The following HERC6 variants were observed in gnomAD, a reference collection of about 807,000 sequenced individuals.
HERC6 encodes the protein probable E3 ubiquitin-protein ligase HERC6.
Under a neutral mutation model 114.5 loss-of-function variants are expected in HERC6, and 101 were observed. The ratio of observed to expected loss-of-function variants is 0.88; its 90% CI spans 0.75 to 1.04. The LOEUF is 1.04. HERC6 is among the 50% of genes least tolerant of loss of function. The pLI is 0.00. For synonymous variants in HERC6, 408 were observed against 436.2 expected (o/e 0.94, Z 0.81); for missense variants, 1,133 against 1,230.9 (o/e 0.92, Z 1.19).
intron 12 of HERC6, among the ~76,000 whole-genome samples, chr4:88,413,880 TA>T (rs1736272206): frequency 6.6e-6 from 1 of 152,148 alleles, no homozygotes. Context: ...AATTAACTTG[TA>T]AATGATTCTC....
intron 12 of HERC6, among the ~76,000 whole-genome samples, chr4:88,413,520 G>A (rs1239135673): frequency 1.3e-5 from 2 of 152,066 alleles, no homozygotes; most frequent in East Asian, 3.8e-4. Context: ...TTTTAGACTT[G>A]GATGTGGCTT....
intron 18 of HERC6, among the ~76,000 whole-genome samples, chr4:88,436,202 A>G (rs1482717585): frequency 6.6e-6 from 1 of 152,232 alleles, no homozygotes; most frequent in African/African-American, 2.4e-5. Context: ...ATAAATATTT[A>G]TGACTATACA....
chr4:88,432,863 C>T (rs769162150), intron 17 of HERC6, among the ~76,000 whole-genome samples: 17 of 151,812 alleles, frequency 1.1e-4, no homozygotes, highest in Admixed American at 3.9e-4. Context: ...TTGAGGCAGG[C>T]GGATCACCAG....
At chr4:88,383,171 TTAA>T (rs1198939302) in intron 1 of HERC6, 47 bp from the exon 2 acceptor site, 2 of 1,577,524 alleles carry the variant, frequency 1.3e-6, no homozygotes, top group Non-Finnish European at 1.7e-6. Context: ...TTGTGTTAAA[TTAA>T]TAATCTGCAG....
chr4:88,418,055 A>G (rs1455433822), intron 13 of HERC6, among the ~76,000 whole-genome samples: 1 of 152,172 alleles, frequency 6.6e-6, no homozygotes, highest in Non-Finnish European at 1.5e-5. Context: ...CACACCAAAA[A>G]TTACACTCTA....
intron 5 of HERC6, among the ~76,000 whole-genome samples, chr4:88,394,553 A>ATTTTTT (rs1378087840): frequency 5.4e-5 from 8 of 147,740 alleles, no homozygotes; most frequent in African/African-American, 1.7e-4. Context: ...TATTATTATT[A>ATTTTTT]TTATTTTTTG....
chr4:88,434,271 G>A (rs543060905), intron 17 of HERC6, among the ~76,000 whole-genome samples: 15 of 152,274 alleles, frequency 9.9e-5, no homozygotes, highest in African/African-American at 1.7e-4. Flanking sequence ...CTGAGATTTC[G>A]GTTTCCTCAC....
intron 10 of HERC6, among the ~76,000 whole-genome samples, chr4:88,407,266 G>A (rs2148894720): frequency 6.7e-6 from 1 of 149,206 alleles, no homozygotes; most frequent in African/African-American, 2.5e-5. Context: ...TTTTAGTAGA[G>A]ACAGGGTTTC....
At chr4:88,401,852 T>C (rs1268155116) in intron 8 of HERC6, among the ~76,000 whole-genome samples, 1 of 152,236 alleles carries the variant, frequency 6.6e-6, no homozygotes, top group Non-Finnish European at 1.5e-5. Flanking sequence ...ATTTGAAATC[T>C]GTGGTCATAG....
At chr4:88,427,162 A>AAGG (rs1348575657) in intron 15 of HERC6, among the ~76,000 whole-genome samples, 1 of 152,254 alleles carries the variant, frequency 6.6e-6, no homozygotes, top group African/African-American at 2.4e-5. Context: ...CTGCTCTCCA[A>AAGG]AGGAGAGATA....
rs954842016 is a variant in HERC6 at position 88,390,780 on chromosome 4, G to A, written c.565G>A (p.Gly189Arg). 10 of 1,614,066 alleles carry A rather than the reference G, an allele frequency of 6.2e-6. No individual in the cohort carries two copies. Among genetic ancestry groups the A allele is most frequent in the Middle Eastern group, 1.6e-4 (1 of 6,084 alleles). ...GATCCCACTGGCTCAGGTGGCTGCC[G>A]GAGGGGCTCACAGCTTTGCCCTGTC... ...EGIPLAQVAA[G>R]GAHSFALSLC... The change falls in exon 4 of 23, where the codon GGA (glycine) becomes AGA (arginine). Residue 189 changes from glycine (G) to arginine (R), a missense_variant. Gly to Arg is a moderately radical substitution (Grantham distance 125, BLOSUM62 -2). Transcript: ENST00000264346.
chr4:88,380,374 T>TATATATATAATATAA (rs1560529519), intron 1 of HERC6, among the ~76,000 whole-genome samples: 14 of 18,954 alleles, frequency 7.4e-4, no homozygotes, highest in African/African-American at 6.3e-3. Context: ...AATATATAAA[T>TATATATATAATATAA]ATATATATAT....
At chr4:88,423,715 C>T in intron 13 of HERC6, 145 bp from the exon 14 acceptor site, 2 of 416,310 alleles carry the variant, frequency 4.8e-6, no homozygotes, top group Non-Finnish European at 4.3e-6. Flanking sequence ...CTTTATAGAA[C>T]TCTATTTCAT....
intron 3 of HERC6, among the ~76,000 whole-genome samples, chr4:88,390,199 A>AAT (rs1174665756): frequency 5.3e-5 from 8 of 149,594 alleles, no homozygotes; most frequent in African/African-American, 1.5e-4. Context: ...AAAAAAAAAA[A>AAT]AAGAAAGTCA....
Position 88,440,196 on chromosome 4 carries a change from T to C in HERC6, c.2788T>C (p.Leu930=). The C allele has an allele frequency of 6.2e-7, 1 of 1,608,826 alleles. No individual in the cohort carries two copies. Among genetic ancestry groups the C allele is most frequent in the Non-Finnish European group, 8.5e-7 (1 of 1,177,206 alleles). Residue 930 remains leucine (L), a synonymous_variant, in exon 22 of 23, where the codon TTG becomes CTG. Transcript: ENST00000264346. ...CCAAAAATCACATCCTACTATACAG[T>C]TGTTTTGGAAGGCTTTCCACAAACT... ...GYQKSHPTIQ[L]FWKAFHKLTL... is the part of the protein sequence containing the mutation.
At chr4:88,406,748 T>G (rs1249164882) in intron 10 of HERC6, among the ~76,000 whole-genome samples, 1 of 152,156 alleles carries the variant, frequency 6.6e-6, no homozygotes, top group East Asian at 1.9e-4. Flanking sequence ...TTTCTTTGTT[T>G]TTTTATTATT....
chr4:88,428,523 C>T lies in HERC6; in HGVS notation c.1936-57C>T, dbSNP rs1737858192. 4.5e-6 allele frequency: 6 copies of T among 1,344,134 alleles called. No homozygotes were observed. The South Asian group carries it at 4.8e-5, about 11-fold the overall frequency. 83.3% of individuals were successfully genotyped at this position (1,344,134 alleles called of 1,614,324 possible). On this transcript the variant is annotated intron_variant, in intron 15 of 22. Transcript: ENST00000264346. ...ATGTTTATTGGAAGTATTAAACAAT[C>T]CTTGGGATTCCTATGAGGTCAAAAG...
chr4:88,432,642 T>C (rs1476930680), intron 17 of HERC6, among the ~76,000 whole-genome samples: 1 of 148,320 alleles, frequency 6.7e-6, no homozygotes, highest in East Asian at 2.1e-4. Context: ...GGCAGGAGAA[T>C]CACTTGAACC....
Position 88,428,757 on chromosome 4 carries a change from TAA to T in HERC6, c.2106+11_2106+12del, listed in dbSNP as rs1295183200. 6 of 1,505,954 alleles carry T rather than the reference TAA, an allele frequency of 4.0e-6. No individual in the cohort carries two copies. The highest frequency in any genetic ancestry group is 5.3e-6 in the Non-Finnish European group (6 of 1,129,988). The allele number at this position is 1,505,954 out of a possible 1,614,324, so 93.3% of individuals were successfully genotyped here. ...CTTCTGCAAAGTATTAGTGGTACAG[TAA>T]AAAGTCTCATTGAACATTTTTACTT... On this transcript the variant is annotated splice_region_variant and intron_variant, in intron 16 of 22. Transcript: ENST00000264346.
Sources: allele counts gnomAD v4.1 joint callset (sites outside exome capture counted in the v4.1 genomes callset), GRCh38; gene constraint gnomAD v4.1.1; transcripts MANE v1.5; gene names NCBI Gene and HGNC (gene_info 2026-07-23, HGNC 2026-07-21).